Variants in ADGRA2 observed in about 807,000 individuals in gnomAD.
ADGRA2 encodes G-protein coupled receptor 124.
In ADGRA2, 61 loss-of-function variants were observed where a neutral mutation model predicts 98.7. The observed-to-expected ratio is 0.62, with a 90% confidence interval of 0.50 to 0.76. The LOEUF (loss-of-function observed/expected upper bound fraction) is 0.76. Among genes scored for constraint, ADGRA2 ranks in the 30% least tolerant of loss-of-function variants. ADGRA2 has a pLI of 0.00. For synonymous variants in ADGRA2, 858 were observed against 831.5 expected (o/e 1.03, Z -0.55); for missense variants, 1,712 against 1,860.0 (o/e 0.92, Z 1.46).
At chr8:37,809,603 G>C (rs1320230486) in intron 1 of ADGRA2, among the ~76,000 whole-genome samples, 2 of 152,250 alleles carry the variant, frequency 1.3e-5, no homozygotes, top group Non-Finnish European at 2.9e-5. Flanking sequence ...AGGATGAAAA[G>C]GCCTTTGCCT....
chr8:37,807,352 C>T (rs558714871), intron 1 of ADGRA2, among the ~76,000 whole-genome samples: 6 of 152,330 alleles, frequency 3.9e-5, no homozygotes, highest in African/African-American at 1.4e-4. Flanking sequence ...GGCCTGTGCA[C>T]GGCGAGCATC....
intron 1 of ADGRA2, among the ~76,000 whole-genome samples, chr8:37,800,561 C>T (rs1804474053): frequency 6.6e-6 from 1 of 152,152 alleles, no homozygotes; most frequent in South Asian, 2.1e-4. Context: ...GTGCCCCATC[C>T]CTGCGCTGGG....
In ADGRA2 at chr8:37,843,973, A is replaced by G. The variant is rs2130082447; in HGVS notation, c.*1618A>G. On this transcript the variant is annotated 3_prime_UTR_variant, in exon 19 of 19. Coordinates refer to ENST00000412232, the MANE Select transcript of ADGRA2 (RefSeq NM_032777.10). ...AAAATTTTGCAAAGCCCTTTGAGCT[A>G]CTGCCTTAGTCTACCCACTGTCCTT... The G allele has an allele frequency of 6.5e-6, 1 of 154,032 alleles. No homozygotes were observed. The highest frequency in any genetic ancestry group is 2.4e-5 in the African/African-American group (1 of 41,560). 9.5% of individuals were successfully genotyped at this position (154,032 alleles called of 1,614,324 possible). A position where few individuals can be genotyped will look rare whatever the true frequency, so the allele number is the denominator to read the frequency against.
rs764489315 is a variant in ADGRA2 at position 37,833,184 on chromosome 8, C to A, written c.1272C>A (p.Thr424=). 1.2e-5 allele frequency: 20 copies of A among 1,612,602 alleles called. No homozygotes were observed. The East Asian group carries it at 4.5e-4, about 36-fold the overall frequency. ...YSHCLYTNDI[T]RVLYTFVLMP... Reference sequence around the variant, plus strand: ...ACTGTCTCTACACCAACGACATCACCAGGGTGCTGTACACCTTCGTGCTGG... The same window carrying A: ...ACTGTCTCTACACCAACGACATCACAAGGGTGCTGTACACCTTCGTGCTGG... The change falls in exon 9 of 19, where the codon ACC becomes ACA. Residue 424 remains threonine, a synonymous_variant. Transcript: ENST00000412232.
At chr8:37,816,593 AACACACACACAC>A (rs545433349) in intron 2 of ADGRA2, among the ~76,000 whole-genome samples, 233 of 131,392 alleles carry the variant, frequency 1.8e-3, no homozygotes, top group East Asian at 0.012. Flanking sequence ...CTCCGTCTCA[AACACACACACAC>A]ACACACACAC....
At position 37,844,436 on chromosome 8, in the gene ADGRA2, C is replaced by T. The variant is rs1805910019; in HGVS notation, c.*2081C>T. On this transcript the variant is annotated 3_prime_UTR_variant, in exon 19 of 19. Coordinates refer to ENST00000412232, the MANE Select transcript of ADGRA2 (RefSeq NM_032777.10). ...TGTACACTTCCATCCTTGGTTATAA[C>T]AGGAATGTTATCAAGCTGTCAGAAC... 1.3e-6 allele frequency: 2 copies of T among 1,582,422 alleles called. No homozygotes were observed. Among genetic ancestry groups the T allele is most frequent in the African/African-American group, 1.3e-5 (1 of 74,462 alleles).
Position 37,806,526 on chromosome 8 carries a change from C to CTTTTTCTTTTTTTTTT in ADGRA2, c.267-8365_267-8364insCTTTTTTTTTTTTTTT, listed in dbSNP as rs756594430. The stretch of plus-strand genomic sequence containing the variant: ...CTTTTTCTTTTTCTTTTTTCTTTTT[C>CTTTTTCTTTTTTTTTT]TTTTTTTTTTTTTTTTGAGACAGAG... On this transcript the variant is annotated intron_variant, in intron 1 of 18. Coordinates refer to ENST00000412232, the MANE Select transcript of ADGRA2 (RefSeq NM_032777.10). Among the ~76,000 whole-genome samples, 3 of 100,354 alleles carry CTTTTTCTTTTTTTTTT rather than the reference C, an allele frequency of 3.0e-5. 1 individual carries two copies. The highest frequency in any genetic ancestry group is 5.6e-5 in the Non-Finnish European group (3 of 53,670). 65.8% of individuals were successfully genotyped at this position (100,354 alleles called of 152,430 possible).
chr8:37,836,896 T>A (rs1805630478), intron 13 of ADGRA2, among the ~76,000 whole-genome samples: 1 of 152,210 alleles, frequency 6.6e-6, no homozygotes, highest in African/African-American at 2.4e-5. Flanking sequence ...AGGTCTTGCA[T>A]TCTGGCCAGG....
intron 2 of ADGRA2, among the ~76,000 whole-genome samples, chr8:37,820,207 G>A (rs183240233): frequency 3.3e-5 from 5 of 152,314 alleles, no homozygotes; most frequent in Admixed American, 3.3e-4. Flanking sequence ...AATGGCAGAT[G>A]TCAACCACAT....
At chr8:37,806,719 G>A (rs1249372879) in intron 1 of ADGRA2, among the ~76,000 whole-genome samples, 2 of 151,524 alleles carry the variant, frequency 1.3e-5, no homozygotes, top group African/African-American at 4.9e-5. Context: ...TAATAGAGAC[G>A]GGGTTTCACC....
At position 37,844,641 on chromosome 8, in the gene ADGRA2, C is replaced by T; in HGVS notation, c.*2286C>T. The T allele has an allele frequency of 6.2e-7, 1 of 1,614,124 alleles. No individual in the cohort carries two copies. The highest frequency in any genetic ancestry group is 1.1e-5 in the South Asian group (1 of 91,082). ...GACAGTGGAGACAGGGGGTACAGGGCAGATCCGCTTCGGGGACTTCAACAT... is the reference window on the plus strand; with the variant it reads ...GACAGTGGAGACAGGGGGTACAGGGTAGATCCGCTTCGGGGACTTCAACAT... On this transcript the variant is annotated 3_prime_UTR_variant, in exon 19 of 19. Coordinates refer to ENST00000412232, the MANE Select transcript of ADGRA2 (RefSeq NM_032777.10).
At chr8:37,806,520 CTTTTTCTTT>C (rs1804667963) in intron 1 of ADGRA2, among the ~76,000 whole-genome samples, 2 of 85,498 alleles carry the variant, frequency 2.3e-5, no homozygotes, top group African/African-American at 1.5e-4. Context: ...TTTCTTTTTT[CTTTTTCTTT>C]TTTTTTTTTT....
At chr8:37,815,312 G>A (rs188570919) in intron 2 of ADGRA2, among the ~76,000 whole-genome samples, 4 of 152,352 alleles carry the variant, frequency 2.6e-5, no homozygotes, top group African/African-American at 7.2e-5. Flanking sequence ...ATAAAAGGGC[G>A]GAGGGCAGCT....
In ADGRA2 at chr8:37,802,126, A is replaced by C. The variant is rs1007432893; in HGVS notation, c.266+4592A>C. 2.6e-5 allele frequency among the ~76,000 whole-genome samples: 4 copies of C among 152,220 alleles called. No homozygotes were observed. The highest frequency in any genetic ancestry group is 5.9e-5 in the Non-Finnish European group (4 of 68,024). Reference sequence around the variant, plus strand: ...TGGTCTTTGTAGGGGAAGTTGAGGAAGATGGGCCTCAGGGAAGTGGTTCTT... The same window carrying C: ...TGGTCTTTGTAGGGGAAGTTGAGGACGATGGGCCTCAGGGAAGTGGTTCTT... On this transcript the variant is annotated intron_variant, in intron 1 of 18. Transcript: ENST00000412232. This position sits in a 1 kb window ranked among gnomAD's most constrained non-coding sequence, Gnocchi z 4.7.
At chr8:37,818,942 G>A (rs1397219841) in intron 2 of ADGRA2, among the ~76,000 whole-genome samples, 3 of 152,204 alleles carry the variant, frequency 2.0e-5, no homozygotes, top group Non-Finnish European at 4.4e-5. Flanking sequence ...GAAGAGAGCA[G>A]GCATTGCCAA....
At chr8:37,798,063 GC>G (rs1459325392) in intron 1 of ADGRA2, among the ~76,000 whole-genome samples, 5 of 152,140 alleles carry the variant, frequency 3.3e-5, no homozygotes, top group African/African-American at 1.2e-4. Flanking sequence ...GCCGCTTCCA[GC>G]CGGTCTCCTT....
In ADGRA2 at chr8:37,831,442, A is replaced by T; in HGVS notation, c.952A>T (p.Ile318Phe). The change falls in exon 8 of 19, where the codon ATC becomes TTC. Residue 318 changes from isoleucine (I) to phenylalanine (F), a missense_variant. By Grantham distance (21) the Ile-to-Phe change is conservative. Coordinates refer to ENST00000412232, the MANE Select transcript of ADGRA2 (RefSeq NM_032777.10). ...FITSELTLSH[I>F]GVWASGEWEC... ...CCGCAGTGAGCTGACGCTGTCTCAC[A>T]TCGGCGTGTGGGCCTCAGGCGAGTG... 6.2e-7 allele frequency: 1 copy of T among 1,612,150 alleles called. No homozygotes were observed. Among genetic ancestry groups the T allele is most frequent in the Non-Finnish European group, 8.5e-7 (1 of 1,180,004 alleles).
intron 8 of ADGRA2, among the ~76,000 whole-genome samples, chr8:37,831,990 GC>G (rs1257729132): frequency 6.6e-6 from 1 of 152,212 alleles, no homozygotes; most frequent in Non-Finnish European, 1.5e-5. Context: ...AACCCAGGAG[GC>G]GGAGGTTGCA....
rs1031943230 is a variant in ADGRA2, at chr8:37,841,915, G to A, written c.3577G>A (p.Gly1193Arg). ...GAGCCGGGCCAAGGGACACCGCGCG[G>A]GGGAGGCCTGCGGCAAGAACCGGCT... ...HKSRAKGHRA[G>R]EACGKNRLKA... The change falls in exon 19 of 19, where the codon GGG becomes AGG. Residue 1193 changes from glycine (G) to arginine (R), a missense_variant. By Grantham distance (125) the Gly-to-Arg change is moderately radical. Coordinates refer to ENST00000412232, the MANE Select transcript of ADGRA2 (RefSeq NM_032777.10). The surrounding 1 kb of genome is among the most constrained non-coding windows in gnomAD (Gnocchi z 5.0). 1 of 1,526,296 alleles carries A rather than the reference G, an allele frequency of 6.6e-7. No individual in the cohort carries two copies. The highest frequency in any genetic ancestry group is 8.7e-7 in the Non-Finnish European group (1 of 1,143,802). 94.5% of individuals were successfully genotyped at this position (1,526,296 alleles called of 1,614,324 possible).
Sources: gnomAD v4.1 joint callset for allele counts (sites outside exome capture counted in the v4.1 genomes callset) on GRCh38, gnomAD v4.1.1 for gene constraint, Gnocchi (gnomAD v3.1) non-coding constraint, MANE v1.5 for transcripts, NCBI Gene and HGNC (gene_info 2026-07-23, HGNC 2026-07-21) for gene names.